The following RAB38 variants were observed in gnomAD, a reference collection of about 807,000 sequenced individuals.
The protein encoded by RAB38 is RAB38, member RAS oncogene family.
Under a neutral mutation model 18.4 loss-of-function variants are expected in RAB38, and 15 were observed. The ratio of observed to expected loss-of-function variants is 0.82; its 90% CI spans 0.55 to 1.26. RAB38 has a LOEUF of 1.26. RAB38 is among the 50% of genes most tolerant of loss of function. The pLI is 0.00. For missense variants in RAB38, 294 were observed against 267.4 expected, an observed-to-expected ratio of 1.10 and a Z score of -0.69; for synonymous variants, 101 against 104.4, an observed-to-expected ratio of 0.97 and a Z score of 0.20.
chr11:88,083,886 A>G, the RAB38 span, among the ~76,000 whole-genome samples: 1 of 151,958 alleles, frequency 6.6e-6, no homozygotes, highest in Non-Finnish European at 1.5e-5. Flanking sequence ...ATGAACTTCT[A>G]TTATTTATGA....
the RAB38 span, among the ~76,000 whole-genome samples, chr11:87,904,585 T>G: frequency 2.0e-4 from 30 of 151,916 alleles, no homozygotes; most frequent in African/African-American, 6.3e-4. Context: ...TAAAATGATT[T>G]TTTTTAATAT....
the RAB38 span, among the ~76,000 whole-genome samples, chr11:87,976,366 T>A: frequency 9.3e-4 from 132 of 141,576 alleles, no homozygotes; most frequent in South Asian, 1.5e-3. Context: ...ATATAAAAAA[T>A]ATATACAAAT....
chr11:87,899,635 C>G, the RAB38 span, among the ~76,000 whole-genome samples: 7 of 151,512 alleles, frequency 4.6e-5, no homozygotes, highest in African/African-American at 1.7e-4. Flanking sequence ...CCCCAATGTC[C>G]TAAAGATAGA....
the RAB38 span, among the ~76,000 whole-genome samples, chr11:87,940,026 A>G: frequency 7.4e-4 from 112 of 152,218 alleles, no homozygotes; most frequent in Non-Finnish European, 1.4e-3. Flanking sequence ...AAATAAATTG[A>G]AAAACCAGAA....
At chr11:87,908,885 T>C in the RAB38 span, among the ~76,000 whole-genome samples, 1 of 151,978 alleles carries the variant, frequency 6.6e-6, no homozygotes, top group Non-Finnish European at 1.5e-5. Context: ...CATTTCAAAA[T>C]GCTTGTTTTA....
At chr11:88,028,220 C>T in the RAB38 span, among the ~76,000 whole-genome samples, 1 of 152,186 alleles carries the variant, frequency 6.6e-6, no homozygotes, top group South Asian at 2.1e-4. Context: ...ACACCAAAAA[C>T]CCATCTGTTC....
At chr11:88,161,875 TGTGTTGGGGTCAC>T (rs1323840886) in intron 1 of RAB38, among the ~76,000 whole-genome samples, 19 of 152,232 alleles carry the variant, frequency 1.2e-4, no homozygotes, top group African/African-American at 4.6e-4. Flanking sequence ...AAATGATACA[TGTGTTGGGGTCAC>T]AGAACCATCA....
the RAB38 span, among the ~76,000 whole-genome samples, chr11:88,049,490 C>T: frequency 1.3e-5 from 2 of 151,290 alleles, no homozygotes; most frequent in East Asian, 2.0e-4. Context: ...CCTTTACCTA[C>T]CCAAATCTTA....
At chr11:88,046,044 C>A in the RAB38 span, among the ~76,000 whole-genome samples, 1 of 152,108 alleles carries the variant, frequency 6.6e-6, no homozygotes, top group Admixed American at 6.5e-5. Flanking sequence ...GCCTCCTTTA[C>A]ATTTTCCCCT....
At chr11:87,974,905 T>C in the RAB38 span, among the ~76,000 whole-genome samples, 1 of 151,892 alleles carries the variant, frequency 6.6e-6, no homozygotes, top group Non-Finnish European at 1.5e-5. Context: ...CGTAACAAAC[T>C]ACCACAAACT....
the RAB38 span, among the ~76,000 whole-genome samples, chr11:87,862,664 A>T: frequency 6.6e-6 from 1 of 151,916 alleles, no homozygotes. Flanking sequence ...CTTAAACAAA[A>T]GTTAAATAAA....
the RAB38 span, among the ~76,000 whole-genome samples, chr11:88,015,577 CT>C: frequency 1.4e-4 from 21 of 152,188 alleles, no homozygotes; most frequent in African/African-American, 4.8e-4. Context: ...GTTAATCATA[CT>C]CTTGTGGTGA....
chr11:87,948,146 T>C, the RAB38 span, among the ~76,000 whole-genome samples: 18 of 152,090 alleles, frequency 1.2e-4, no homozygotes, highest in Non-Finnish European at 1.5e-4. Flanking sequence ...TATTTTATTC[T>C]CTTTGAAGCA....
At chr11:87,932,176 C>T in the RAB38 span, among the ~76,000 whole-genome samples, 1 of 151,990 alleles carries the variant, frequency 6.6e-6, no homozygotes, top group Non-Finnish European at 1.5e-5. Context: ...CTAATGCATG[C>T]TGGGCTTGAA....
chr11:88,057,763 G>T, the RAB38 span, among the ~76,000 whole-genome samples: 3 of 152,134 alleles, frequency 2.0e-5, no homozygotes, highest in African/African-American at 7.2e-5. Flanking sequence ...CTCTTTGAGG[G>T]TGGGGAATTT....
the RAB38 span, among the ~76,000 whole-genome samples, chr11:87,976,220 TA>T: frequency 1.4e-5 from 2 of 146,676 alleles, no homozygotes; most frequent in African/African-American, 2.5e-5. Context: ...TTTTTATGTA[TA>T]TACCTATATA....
downstream of RAB38, among the ~76,000 whole-genome samples, chr11:88,112,772 C>T (rs1371408111): frequency 2.1e-5 from 3 of 145,316 alleles, no homozygotes; most frequent in Non-Finnish European, 4.5e-5. Context: ...GACTCCGTCT[C>T]AACAACAACA....
At chr11:88,010,341 G>C in the RAB38 span, among the ~76,000 whole-genome samples, 1 of 152,114 alleles carries the variant, frequency 6.6e-6, no homozygotes, top group Non-Finnish European at 1.5e-5. Flanking sequence ...CTATAAGAGA[G>C]GACAAATAAC....
At chr11:87,850,479 T>C in the RAB38 span, among the ~76,000 whole-genome samples, 8 of 151,738 alleles carry the variant, frequency 5.3e-5, no homozygotes, top group Admixed American at 4.6e-4. Context: ...TGTGTGTGTG[T>C]GTGCACGCGC....
Sources: allele counts gnomAD v4.1 joint callset (sites outside exome capture counted in the v4.1 genomes callset), GRCh38; gene constraint gnomAD v4.1.1; transcripts MANE v1.5; gene names NCBI Gene and HGNC (gene_info 2026-07-23, HGNC 2026-07-21).